The following ARHGEF10 variants were observed in gnomAD, a reference collection of about 807,000 sequenced individuals.
The protein encoded by ARHGEF10 is Rho guanine nucleotide exchange factor 10.
ARHGEF10 carries 140 observed loss-of-function variants against 147.4 expected under a neutral mutation model. That is an observed-to-expected ratio of 0.95 (90% CI 0.83 to 1.09). ARHGEF10 has a LOEUF of 1.09. Among genes scored for constraint, ARHGEF10 ranks in the 50% least tolerant of loss-of-function variants. The pLI, the probability that ARHGEF10 is intolerant of heterozygous loss-of-function variation, is 0.00. For synonymous variants in ARHGEF10, 902 were observed against 695.8 expected (o/e 1.30, Z -4.67); for missense variants, 2,222 against 1,752.7 (o/e 1.27, Z -4.78).
Position 1,909,456 on chromosome 8 carries a change from C to G in ARHGEF10, c.2129C>G (p.Ala710Gly). Residue 710 changes from alanine (A) to glycine (G), a missense_variant, in exon 18 of 29, where the codon GCT becomes GGT. Physicochemically the swap from Ala to Gly is moderately conservative, Grantham distance 60. Transcript: ENST00000349830. ...VHPPESLAVV[A>G]NAKPNKVYMG... ...CCGCCGGAGAGCCTGGCCGTGGTTG[C>G]TAACGCGAAACCAAGTAAGTGATGC... is the stretch of plus-strand genomic sequence containing the variant. 1 of 1,614,082 alleles carries G rather than the reference C, an allele frequency of 6.2e-7. No individual in the cohort carries two copies. Among genetic ancestry groups the G allele is most frequent in the South Asian group, 1.1e-5 (1 of 91,088 alleles).
chr8:1,921,457 G>C (rs140237369), intron 18 of ARHGEF10, among the ~76,000 whole-genome samples: 1 of 152,190 alleles, frequency 6.6e-6, no homozygotes, highest in African/African-American at 2.4e-5. Context: ...GGCCAGGCAC[G>C]GTGGCTCACG....
intron 8 of ARHGEF10, among the ~76,000 whole-genome samples, chr8:1,878,683 G>T (rs1444351664): frequency 6.6e-6 from 1 of 152,196 alleles, no homozygotes; most frequent in Non-Finnish European, 1.5e-5. Context: ...AGAGGGGCCA[G>T]GCCACTGAGG....
At chr8:1,903,658 A>G (rs547955279) in intron 16 of ARHGEF10, 2 of 638,878 alleles carry the variant, frequency 3.1e-6, no homozygotes, top group African/African-American at 3.6e-5. Context: ...TCTTAACAGC[A>G]TTTTCTTAGG....
chr8:1,900,223 T>C (rs1810341423), intron 15 of ARHGEF10, among the ~76,000 whole-genome samples: 1 of 152,216 alleles, frequency 6.6e-6, no homozygotes, highest in South Asian at 2.1e-4. Context: ...ATACATTCTT[T>C]TAGACAGAAG....
chr8:1,950,000 G>T (rs1047711384), intron 27 of ARHGEF10, among the ~76,000 whole-genome samples: 14 of 152,162 alleles, frequency 9.2e-5, no homozygotes, highest in Middle Eastern at 3.2e-3. Flanking sequence ...AGCCTCCAGG[G>T]CGGGAGATGC....
chr8:1,855,181 C>T (rs554010984), intron 2 of ARHGEF10, among the ~76,000 whole-genome samples: 19 of 152,318 alleles, frequency 1.2e-4, no homozygotes, highest in African/African-American at 4.1e-4. Context: ...TTGTACCAGA[C>T]ATTGTCAAGC....
chr8:1,883,481 T>C lies in ARHGEF10; in HGVS notation c.1075+732T>C, dbSNP rs187567231. On this transcript the variant is annotated intron_variant, in intron 10 of 28. Coordinates refer to ENST00000349830, the MANE Select transcript of ARHGEF10 (RefSeq NM_014629.4). ...CTAGGACGTGGGTAGCATTTGCTAATATCTGTACTTGGAAGGGACTTTGCA... is the reference window on the plus strand; with the variant it reads ...CTAGGACGTGGGTAGCATTTGCTAACATCTGTACTTGGAAGGGACTTTGCA... Among the ~76,000 whole-genome samples the C allele has an allele frequency of 2.1e-3, 316 of 152,252 alleles. 1 individual carries two copies. The highest frequency in any genetic ancestry group is 3.2e-3 in the Non-Finnish European group (218 of 68,022).
intron 13 of ARHGEF10, among the ~76,000 whole-genome samples, chr8:1,894,826 C>A (rs6558562): frequency 0.74 from 112,221 of 152,216 alleles, 42,826 homozygotes; most frequent in East Asian, 0.97. Context: ...GGACATTTAA[C>A]AATATGCACT....
intron 17 of ARHGEF10, 118 bp from the exon 18 acceptor site, chr8:1,909,177 G>A: frequency 7.2e-7 from 1 of 1,395,166 alleles, no homozygotes; most frequent in Non-Finnish European, 1.0e-6. Flanking sequence ...TTGTGAGAAA[G>A]TCTGAAGAGT....
chr8:1,847,642 C>T (rs1297278598), intron 2 of ARHGEF10, among the ~76,000 whole-genome samples: 1 of 152,138 alleles, frequency 6.6e-6, no homozygotes, highest in Non-Finnish European at 1.5e-5. Context: ...GGGGAGGCCT[C>T]CTTCAGCACA....
chr8:1,849,231 G>C (rs1327563779), intron 2 of ARHGEF10, among the ~76,000 whole-genome samples: 3 of 152,220 alleles, frequency 2.0e-5, no homozygotes, highest in Non-Finnish European at 4.4e-5. Context: ...AGAAGGGTGT[G>C]GGGCGGCTGC....
chr8:1,873,769 T>C (rs35150060), intron 7 of ARHGEF10, among the ~76,000 whole-genome samples: 23,569 of 117,118 alleles, frequency 0.2, 3,706 homozygotes, highest in East Asian at 0.33. Flanking sequence ...CCCACATTTC[T>C]TCACTCGTTT....
intron 12 of ARHGEF10, 53 bp downstream of exon 12, chr8:1,893,699 C>T (rs968813942): frequency 9.6e-5 from 130 of 1,349,214 alleles, no homozygotes; most frequent in Non-Finnish European, 3.9e-5. Context: ...TCTTTTTTAC[C>T]TATATACATT....
intron 11 of ARHGEF10, among the ~76,000 whole-genome samples, chr8:1,887,975 G>T (rs111544479): frequency 5.3e-5 from 8 of 151,422 alleles, no homozygotes; most frequent in African/African-American, 1.5e-4. Context: ...ACTGTGAGTG[G>T]GGTGAGAGTT....
At chr8:1,944,556 G>A (rs930584176) in intron 26 of ARHGEF10, among the ~76,000 whole-genome samples, 4 of 152,242 alleles carry the variant, frequency 2.6e-5, no homozygotes, top group Non-Finnish European at 5.9e-5. Context: ...GGGGGCTGTC[G>A]TCTTTTCCCT....
chr8:1,843,572 A>G (rs368786637), intron 2 of ARHGEF10, 136 bp downstream of exon 2: 44 of 753,002 alleles, frequency 5.8e-5, no homozygotes, highest in South Asian at 5.5e-4. Context: ...GAGAAAGAGA[A>G]GGTTCTGACG....
Position 1,880,400 on chromosome 8 carries a change from C to G in ARHGEF10, c.960+236C>G, listed in dbSNP as rs371859628. 7.4e-4 allele frequency among the ~76,000 whole-genome samples: 112 copies of G among 152,332 alleles called. No individual in the cohort carries two copies. In the East Asian group the frequency reaches 0.016, roughly 21 times the overall value. On this transcript the variant is annotated intron_variant, in intron 9 of 28. Transcript: ENST00000349830. ...TGGAGGCTCCACAGCTGTGGCCTCA[C>G]CGCTGGCGGAATGCCATCTGGCTGT...
chr8:1,828,453 T>A (rs562129821), intron 1 of ARHGEF10, among the ~76,000 whole-genome samples: 1 of 146,930 alleles, frequency 6.8e-6, no homozygotes, highest in Non-Finnish European at 1.5e-5. Flanking sequence ...GCACACTTAC[T>A]GTTTTAAGGA....
At chr8:1,926,263 C>A in intron 22 of ARHGEF10, 114 bp from the exon 23 acceptor site, 1 of 860,016 alleles carries the variant, frequency 1.2e-6, no homozygotes, top group East Asian at 2.5e-5. Context: ...GGTAATGAAC[C>A]TGTAATTTCT....
Sources: allele counts gnomAD v4.1 joint callset (sites outside exome capture counted in the v4.1 genomes callset), GRCh38; gene constraint gnomAD v4.1.1; transcripts MANE v1.5; gene names NCBI Gene and HGNC (gene_info 2026-07-23, HGNC 2026-07-21).